The following PKMYT1 variants were observed in gnomAD, a reference collection of about 807,000 sequenced individuals.
The protein encoded by PKMYT1 is membrane-associated tyrosine- and threonine-specific cdc2-inhibitory kinase.
PKMYT1 carries 35 observed loss-of-function variants against 49.7 expected under a neutral mutation model. That is an observed-to-expected ratio of 0.70 (90% CI 0.54 to 0.93). PKMYT1 has a LOEUF of 0.93. Among genes scored for constraint, PKMYT1 ranks in the 40% least tolerant of loss-of-function variants. The pLI, the probability that PKMYT1 is intolerant of heterozygous loss-of-function variation, is 0.00. For missense variants in PKMYT1, 677 were observed against 673.1 expected (o/e 1.01, Z -0.06); for synonymous variants, 331 against 287.6 (o/e 1.15, Z -1.53).
rs779324078 is a variant in PKMYT1, at chr16:2,977,011, G to A, written c.31C>T (p.Pro11Ser). The A allele has an allele frequency of 6.3e-7, 1 of 1,584,026 alleles. No individual in the cohort carries two copies. The highest frequency in any genetic ancestry group is 8.6e-7 in the Non-Finnish European group (1 of 1,169,348). The change falls in exon 3 of 9, where the codon CCC (proline) becomes TCC (serine). Residue 11 changes from proline to serine, a missense_variant. Transcript: ENST00000262300. ...GGCGGGGTGCCCTCCGTGGGCATGG[G>A]CATGGCCAGTGCAGGAGGCCCTGGG... is the stretch of plus-strand genomic sequence containing the variant. MLERPPALAM[P>S]MPTEGTPPPL...
intron 7 of PKMYT1, chr16:2,973,561 G>T: frequency 1.2e-6 from 1 of 803,950 alleles, no homozygotes; most frequent in Non-Finnish European, 1.8e-6. Context: ...GGGGCTAACG[G>T]CAGAGTCCCC....
chr16:2,977,001 G>A lies in PKMYT1; in HGVS notation c.41C>T (p.Thr14Met), dbSNP rs987228846. 32 of 1,577,330 alleles carry A rather than the reference G, an allele frequency of 2.0e-5. No homozygotes were observed. The highest frequency in any genetic ancestry group is 1.8e-4 in the East Asian group (8 of 43,640). Residue 14 changes from threonine (T) to methionine (M), a missense_variant, in exon 3 of 9, where the codon ACG becomes ATG. Coordinates refer to ENST00000262300, the MANE Select transcript of PKMYT1 (RefSeq NM_004203.5). ...ACTCAGAGGTGGCGGGGTGCCCTCC[G>A]TGGGCATGGGCATGGCCAGTGCAGG... Reference protein sequence around the residue: ...RPPALAMPMPTEGTPPPLSGT... With the variant: ...RPPALAMPMPMEGTPPPLSGT...
rs1208092587 is a variant in PKMYT1 at position 2,972,970 on chromosome 16, T to C, written c.1483A>G (p.Thr495Ala). The C allele has an allele frequency of 6.2e-7, 1 of 1,608,318 alleles. No individual in the cohort carries two copies. The highest frequency in any genetic ancestry group is 8.5e-7 in the Non-Finnish European group (1 of 1,178,462). ...TCTGGGGCTCAGGTTGGGTCTAGGG[T>C]GTCCTCAAACAGGCTGAGGAGGTTC... ...PRNLLSLFEDTLDPT is the reference protein window; with the variant it reads ...PRNLLSLFEDALDPT Residue 495 changes from threonine (T) to alanine (A), a missense_variant, in exon 9 of 9, where the codon ACC (threonine) becomes GCC (alanine). Physicochemically the swap from Thr to Ala is moderately conservative, Grantham distance 58. Coordinates refer to ENST00000262300, the MANE Select transcript of PKMYT1 (RefSeq NM_004203.5).
rs772148799 is a variant in PKMYT1 at position 2,974,582 on chromosome 16, C to T, written c.947G>A (p.Arg316His). The change falls in exon 5 of 9, where the codon CGC becomes CAC. Residue 316 changes from arginine (R) to histidine (H), a missense_variant. Arg to His is a conservative substitution (Grantham distance 29). Coordinates refer to ENST00000262300, the MANE Select transcript of PKMYT1 (RefSeq NM_004203.5). The part of the protein sequence containing the change: ...PHGGEGWQQL[R>H]QGYLPPEFTA... ...GAACTCAGGGGGCAGGTAGCCCTGG[C>T]GCAGCTGCTGCCAGCCCTCCCCACC... 3.7e-5 allele frequency: 58 copies of T among 1,581,602 alleles called. No individual in the cohort carries two copies. The highest frequency in any genetic ancestry group is 4.9e-5 in the Non-Finnish European group (57 of 1,164,224).
chr16:2,980,259 GC>G, intron 1 of PKMYT1, 26 bp downstream of exon 1: 1 of 154,268 alleles, frequency 6.5e-6, no homozygotes, highest in South Asian at 1.8e-4. Flanking sequence ...CCACGCCGAG[GC>G]CCCTCACGGC....
intron 4 of PKMYT1, 67 bp downstream of exon 4, chr16:2,975,252 A>G (rs1359193758): frequency 6.8e-7 from 1 of 1,479,046 alleles, no homozygotes; most frequent in Non-Finnish European, 9.0e-7. Flanking sequence ...CTCCTGGGGA[A>G]TGGAGCTTCC....
At position 2,976,802 on chromosome 16, in the gene PKMYT1, C is replaced by T. The variant is rs1051364329; in HGVS notation, c.240G>A (p.Arg80=). Residue 80 remains arginine (R), a synonymous_variant, in exon 3 of 9, where the codon CGG becomes CGA. Transcript: ENST00000262300. ...RTPGWHQLQP[R]RVSFRGEASE... Reference sequence around the variant, plus strand: ...AGGCCTCGCCCCGGAATGACACCCGCCGGGGCTGCAGCTGGTGCCAGCCTG... The same window carrying T: ...AGGCCTCGCCCCGGAATGACACCCGTCGGGGCTGCAGCTGGTGCCAGCCTG... 3.8e-6 allele frequency: 6 copies of T among 1,576,076 alleles called. No homozygotes were observed. Among genetic ancestry groups the T allele is most frequent in the Middle Eastern group, 1.7e-4 (1 of 5,996 alleles).
rs542714330 is a variant in PKMYT1 at position 2,975,435 on chromosome 16, G to A, written c.756C>T (p.Phe252=). 3.2e-5 allele frequency: 52 copies of A among 1,613,134 alleles called. No homozygotes were observed. Among genetic ancestry groups the A allele is most frequent in the East Asian group, 4.5e-5 (2 of 44,896 alleles). The change falls in exon 4 of 9, where the codon TTC becomes TTT. Residue 252 remains phenylalanine (F), a synonymous_variant. Transcript: ENST00000262300. ...CTGTACCCAGCTCCACCAGCAGTCCGAAGTCACCCAGCTTGCAGCGGCCCC... is the reference window on the plus strand; with the variant it reads ...CTGTACCCAGCTCCACCAGCAGTCCAAAGTCACCCAGCTTGCAGCGGCCCC... ...GPRGRCKLGD[F]GLLVELGTAG...
chr16:2,975,645 G>A lies in PKMYT1; in HGVS notation c.546C>T (p.Ile182=), dbSNP rs1473883849. 6.2e-7 allele frequency: 1 copy of A among 1,611,506 alleles called. No homozygotes were observed. The highest frequency in any genetic ancestry group is 8.5e-7 in the Non-Finnish European group (1 of 1,179,794). The change falls in exon 4 of 9, where the codon ATC becomes ATT. Residue 182 remains isoleucine, a synonymous_variant. Coordinates refer to ENST00000262300, the MANE Select transcript of PKMYT1 (RefSeq NM_004203.5). ...CGCACAGCTCCGTCTGCAGGTACAG[G>A]ATGCCGCCCTCCTCCCAGGCCTGCT... ...RLEQAWEEGG[I]LYLQTELCGP... is the part of the protein sequence containing the mutation.
At position 2,976,894 on chromosome 16, in the gene PKMYT1, T is replaced by C. The variant is rs1297534503; in HGVS notation, c.148A>G (p.Ser50Gly). The C allele has an allele frequency of 6.5e-7, 1 of 1,536,814 alleles. No homozygotes were observed. Among genetic ancestry groups the C allele is most frequent in the Non-Finnish European group, 8.8e-7 (1 of 1,136,056 alleles). The change falls in exon 3 of 9, where the codon AGC (serine) becomes GGC (glycine). Residue 50 changes from serine to glycine, a missense_variant. Physicochemically the swap from Ser to Gly is moderately conservative, Grantham distance 56 (BLOSUM62 0). Coordinates refer to ENST00000262300, the MANE Select transcript of PKMYT1 (RefSeq NM_004203.5). ...SLKRPRGLSRSLPPPPPAKGS... is the reference protein window; with the variant it reads ...SLKRPRGLSRGLPPPPPAKGS... ...TTGGCAGGGGGCGGAGGTGGGAGGC[T>C]CCGGCTGAGCCCCCTGGGCCTCTTG...
At chr16:2,973,284 C>G in intron 7 of PKMYT1, 69 bp from the exon 8 acceptor site, 2 of 1,500,934 alleles carry the variant, frequency 1.3e-6, no homozygotes, top group Non-Finnish European at 1.8e-6. Context: ...CCAGCTCTGT[C>G]CCTGTGCAGG....
intron 2 of PKMYT1, chr16:2,977,509 C>G: frequency 1.0e-6 from 1 of 991,816 alleles, no homozygotes; most frequent in Non-Finnish European, 1.2e-6. Context: ...TAGTGGTGTC[C>G]ACTTCCAGAA....
At chr16:2,973,400 C>G in intron 7 of PKMYT1, 185 bp from the exon 8 acceptor site, 1 of 1,536,374 alleles carries the variant, frequency 6.5e-7, no homozygotes, top group Non-Finnish European at 8.7e-7. Flanking sequence ...GTCCTTCCAT[C>G]TGGCTGCACT....
chr16:2,975,418 A>C lies in PKMYT1; in HGVS notation c.773T>G (p.Leu258Arg). ...KLGDFGLLVE[L>R]GTAGAGEVQE... ...GACCTCACCAGCTCCTGCTGTACCC[A>C]GCTCCACCAGCAGTCCGAAGTCACC... Residue 258 changes from leucine (L) to arginine (R), a missense_variant, in exon 4 of 9, where the codon CTG (leucine) becomes CGG (arginine). Coordinates refer to ENST00000262300, the MANE Select transcript of PKMYT1 (RefSeq NM_004203.5). The C allele has an allele frequency of 6.2e-7, 1 of 1,613,186 alleles. No individual in the cohort carries two copies. Among genetic ancestry groups the C allele is most frequent in the South Asian group, 1.1e-5 (1 of 91,084 alleles).
intron 7 of PKMYT1, chr16:2,973,554 G>A (rs1420350991): frequency 6.7e-6 from 6 of 889,738 alleles, no homozygotes; most frequent in South Asian, 6.5e-5. Flanking sequence ...TAAGGAAGGG[G>A]CTAACGGCAG....
intron 7 of PKMYT1, chr16:2,973,526 G>A (rs2072076649): frequency 3.4e-6 from 4 of 1,185,290 alleles, no homozygotes; most frequent in Non-Finnish European, 4.6e-6. Context: ...TGCCCCGAGG[G>A]ATGAGGTGAT....
intron 2 of PKMYT1, among the ~76,000 whole-genome samples, chr16:2,979,080 A>T (rs1162750766): frequency 6.6e-6 from 1 of 151,558 alleles, no homozygotes; most frequent in Non-Finnish European, 1.5e-5. Context: ...TCACGCCTGT[A>T]ATCCCAGCAC....
rs1203215165 is a variant in PKMYT1 at position 2,976,678 on chromosome 16, C to T, written c.364G>A (p.Gly122Arg). ...CCCTCACTCACCTTGAAGACCTCTC[C>T]GTAGGAGCCATGGCCCAGGCGGCTG... The part of the protein sequence containing the change: ...RLSRLGHGSY[G>R]EVFKVRSKED... Residue 122 changes from glycine (G) to arginine (R), a missense_variant, in exon 3 of 9, where the codon GGA (glycine) becomes AGA (arginine). Gly to Arg is a moderately radical substitution (Grantham distance 125, BLOSUM62 -2). Coordinates refer to ENST00000262300, the MANE Select transcript of PKMYT1 (RefSeq NM_004203.5). 1.3e-6 allele frequency: 2 copies of T among 1,483,722 alleles called. No homozygotes were observed. Among genetic ancestry groups the T allele is most frequent in the Non-Finnish European group, 1.8e-6 (2 of 1,114,462 alleles). 91.9% of individuals were successfully genotyped at this position (1,483,722 alleles called of 1,614,324 possible). A position where few individuals can be genotyped will look rare whatever the true frequency, so the allele number is the denominator to read the frequency against.
rs2072035159 is a variant in PKMYT1, at chr16:2,972,864, C to T, written c.*89G>A. 6.5e-7 allele frequency: 1 copy of T among 1,535,304 alleles called. No individual in the cohort carries two copies. ...TTAGACACGGCCAGGCAGAGAAGAC[C>T]ATGGGAGTTCCCGAGGGGCCCCAGC... On this transcript the variant is annotated 3_prime_UTR_variant, in exon 9 of 9. Transcript: ENST00000262300.
Sources: allele counts gnomAD v4.1 joint callset (sites outside exome capture counted in the v4.1 genomes callset), GRCh38; gene constraint gnomAD v4.1.1; transcripts MANE v1.5; gene names NCBI Gene and HGNC (gene_info 2026-07-23, HGNC 2026-07-21).